The following FGF13 variants were observed in gnomAD, a reference collection of about 807,000 sequenced individuals.
FGF13 encodes fibroblast growth factor homologous factor 2.
In FGF13, 2 loss-of-function variants were observed where a neutral mutation model predicts 19.5. The observed-to-expected ratio is 0.10, with a 90% confidence interval of 0.04 to 0.32. The LOEUF (loss-of-function observed/expected upper bound fraction) is 0.32, where lower values mean the gene tolerates loss of function less well. Ranked by LOEUF, FGF13 falls within the 10% of genes least tolerant of loss-of-function variation. The pLI, the probability that FGF13 is intolerant of heterozygous loss-of-function variation, is 1.00. For missense variants in FGF13, 113 were observed against 192.7 expected (o/e 0.59, Z 2.45); for synonymous variants, 72 against 76.9 (o/e 0.94, Z 0.33).
At chrX:138,810,894 G>C (rs1406824896) in intron 3 of FGF13, among the ~76,000 whole-genome samples, 1 of 111,693 alleles carries the variant, frequency 9.0e-6, no homozygotes, top group Non-Finnish European at 1.9e-5. Context: ...ACCACAATGA[G>C]ATACCATCTC....
chrX:139,145,137 G>T (rs2083877577), intron 1 of FGF13, among the ~76,000 whole-genome samples: 1 of 111,678 alleles, frequency 9.0e-6, no homozygotes, highest in African/African-American at 3.3e-5. Context: ...CATCTGATTT[G>T]TTATGGTAGT....
At chrX:138,843,856 G>C (rs1213882409) in intron 3 of FGF13, among the ~76,000 whole-genome samples, 1 of 111,522 alleles carries the variant, frequency 9.0e-6, no homozygotes, top group Non-Finnish European at 1.9e-5. Context: ...AGTAGCATTT[G>C]ACCTTGGTGA....
At chrX:138,695,661 A>C (rs2089888942) in intron 3 of FGF13, among the ~76,000 whole-genome samples, 1 of 111,930 alleles carries the variant, frequency 8.9e-6, no homozygotes, top group African/African-American at 3.2e-5. Flanking sequence ...AGTCATTTGT[A>C]CTAGTGTTAT....
intron 1 of FGF13, among the ~76,000 whole-genome samples, chrX:139,002,955 TG>T (rs2092080439): frequency 1.8e-5 from 2 of 112,106 alleles, no homozygotes; most frequent in Non-Finnish European, 3.8e-5. Context: ...AATTCCCAGC[TG>T]TGCTGGCTAT....
intron 1 of FGF13, among the ~76,000 whole-genome samples, chrX:139,019,274 C>T (rs1331682575): frequency 1.8e-5 from 2 of 111,337 alleles, no homozygotes; most frequent in Non-Finnish European, 3.8e-5. Context: ...AATGATTCAA[C>T]GTATACTTTG....
chrX:139,183,261 C>A (rs1484991824), intron 1 of FGF13, among the ~76,000 whole-genome samples: 1 of 112,199 alleles, frequency 8.9e-6, no homozygotes, highest in African/African-American at 3.2e-5. Context: ...AGGTCTGTGA[C>A]CTCCTCAATA....
chrX:138,950,074 T>A lies in FGF13; in HGVS notation c.-112-85424A>T, dbSNP rs142712781. 2.9e-3 allele frequency among the ~76,000 whole-genome samples: 330 copies of A among 111,972 alleles called. 1 individual carries two copies. The highest frequency in any genetic ancestry group is 0.018 in the Middle Eastern group (4 of 219). ...GAAATGTATGGAGCAAGTTCCACAT[T>A]CTTCTCTATTACTAGAATCATTCAA... On this transcript the variant is annotated intron_variant, in intron 1 of 2. Transcript: ENST00000421460.
At chrX:138,666,532 C>T (rs2089547373) in intron 3 of FGF13, among the ~76,000 whole-genome samples, 1 of 111,151 alleles carries the variant, frequency 9.0e-6, no homozygotes, top group South Asian at 3.7e-4. Context: ...TTTCTAATTC[C>T]AAATTCCAAT....
chrX:138,804,355 T>C (rs758334042), intron 3 of FGF13, among the ~76,000 whole-genome samples: 14 of 111,792 alleles, frequency 1.3e-4, no homozygotes, highest in Non-Finnish European at 2.1e-4. Context: ...CTCTATCTCA[T>C]TGTCACAGCT....
chrX:138,712,804 A>G (rs2090066813), upstream of FGF13, among the ~76,000 whole-genome samples: 1 of 112,045 alleles, frequency 8.9e-6, no homozygotes, highest in African/African-American at 3.3e-5. Flanking sequence ...CTCTTTTCAG[A>G]ACTAATGTAG....
intron 1 of FGF13, among the ~76,000 whole-genome samples, chrX:138,939,195 C>T (rs1050666753): frequency 2.6e-4 from 29 of 111,842 alleles, no homozygotes; most frequent in African/African-American, 9.4e-4. Context: ...CATAGTGAAA[C>T]CAGGCATAGT....
chrX:139,055,265 A>G (rs1296731546), intron 1 of FGF13, among the ~76,000 whole-genome samples: 2 of 111,688 alleles, frequency 1.8e-5, no homozygotes, highest in Non-Finnish European at 3.8e-5. Context: ...TCCAGTTCTC[A>G]GAGGGAATGC....
rs1451741160 is a variant in FGF13 at position 138,615,878 on chromosome X, G to A, written c.*16972C>T. 9.0e-6 allele frequency: 1 copy of A among 111,377 alleles called. No homozygotes were observed. Among genetic ancestry groups the A allele is most frequent in the African/African-American group, 3.3e-5 (1 of 30,451 alleles). The allele number at this position is 111,377 out of a possible 1,213,427, so 9.2% of individuals were successfully genotyped here. A position where few individuals can be genotyped will look rare whatever the true frequency, so the allele number is the denominator to read the frequency against. On this transcript the variant is annotated 3_prime_UTR_variant, in exon 5 of 5. Coordinates refer to ENST00000315930, the MANE Select transcript of FGF13 (RefSeq NM_004114.5). ...CAGGAGAGAGAATGAGTGCCAGCAG[G>A]GGAAATGCCAGATGCTTATAAAACC...
intron 1 of FGF13, among the ~76,000 whole-genome samples, chrX:138,953,718 T>C (rs918781959): frequency 1.9e-4 from 21 of 111,474 alleles, no homozygotes; most frequent in African/African-American, 2.6e-4. Flanking sequence ...GATATATTCA[T>C]ACATTGCAAC....
At chrX:138,968,236 G>A (rs1435648113) in intron 1 of FGF13, among the ~76,000 whole-genome samples, 4 of 112,186 alleles carry the variant, frequency 3.6e-5, no homozygotes, top group Non-Finnish European at 5.6e-5. Context: ...TAACTTGTAG[G>A]ATAATGATTA....
intron 1 of FGF13, among the ~76,000 whole-genome samples, chrX:139,187,384 T>C (rs2084290456): frequency 1.8e-5 from 2 of 112,821 alleles, no homozygotes; most frequent in Admixed American, 1.9e-4. Flanking sequence ...ATAATAGCCA[T>C]AAAACTATGT....
intron 1 of FGF13, among the ~76,000 whole-genome samples, chrX:139,033,759 T>C (rs2092240116): frequency 8.9e-6 from 1 of 111,856 alleles, no homozygotes; most frequent in African/African-American, 3.2e-5. Context: ...GCAGAGCTTC[T>C]GAAGCTTTGA....
intron 1 of FGF13, among the ~76,000 whole-genome samples, chrX:138,914,542 T>C (rs1057269671): frequency 1.5e-4 from 17 of 110,168 alleles, no homozygotes; most frequent in African/African-American, 4.6e-4. Context: ...AGATTCAATC[T>C]GCCTGACAGC....
At chrX:138,716,966 T>C (rs1159181039) in intron 1 of FGF13, among the ~76,000 whole-genome samples, 4 of 112,360 alleles carry the variant, frequency 3.6e-5, no homozygotes, top group African/African-American at 1.3e-4. Flanking sequence ...CTACCTCTGA[T>C]TTATATTTAA....
Sources: allele counts gnomAD v4.1 joint callset (sites outside exome capture counted in the v4.1 genomes callset), GRCh38; gene constraint gnomAD v4.1.1; transcripts MANE v1.5; gene names NCBI Gene and HGNC (gene_info 2026-07-23, HGNC 2026-07-21).